CHD7: variants seen among roughly 807,000 people sequenced by gnomAD.
The protein encoded by CHD7 is chromodomain helicase DNA binding protein 7.
A neutral mutation model predicts 307.3 loss-of-function variants in CHD7; 24 were observed. That is an observed-to-expected ratio of 0.08 (90% CI 0.06 to 0.11). CHD7 has a LOEUF of 0.11. CHD7 is among the 10% of genes least tolerant of loss of function. CHD7 has a pLI of 1.00. For synonymous variants in CHD7, 1,363 were observed against 1,349.9 expected (o/e 1.01, Z -0.21); for missense variants, 3,106 against 3,727.1 (o/e 0.83, Z 4.34).
intron 2 of CHD7, among the ~76,000 whole-genome samples, chr8:60,763,205 G>A (rs1810307194): frequency 6.6e-6 from 1 of 152,210 alleles, no homozygotes; most frequent in South Asian, 2.1e-4. Context: ...ATATCCAAAA[G>A]ATTGTGTCAA....
chr8:60,796,715 G>T (rs577889871), intron 4 of CHD7, among the ~76,000 whole-genome samples: 65 of 151,706 alleles, frequency 4.3e-4, no homozygotes, highest in Non-Finnish European at 5.9e-4. Context: ...GGGCCTAACT[G>T]TTACGTGTTC....
intron 9 of CHD7, 111 bp downstream of exon 9, chr8:60,820,201 A>G (rs921486064): frequency 1.9e-6 from 1 of 528,564 alleles, no homozygotes; most frequent in South Asian, 4.3e-5. Context: ...TTGGACTGTG[A>G]CACACTTGGT....
intron 1 of CHD7, among the ~76,000 whole-genome samples, chr8:60,737,461 AT>A (rs1395000317): frequency 6.6e-6 from 1 of 152,224 alleles, no homozygotes; most frequent in Non-Finnish European, 1.5e-5. Flanking sequence ...CTATAAAAGG[AT>A]TTTTTTCATC....
At chr8:60,763,323 T>C (rs985340896) in intron 2 of CHD7, among the ~76,000 whole-genome samples, 7 of 152,186 alleles carry the variant, frequency 4.6e-5, no homozygotes, top group African/African-American at 1.7e-4. Context: ...CTTTTGTACT[T>C]GTAGCACATC....
chr8:60,847,373 C>G (rs1458618737), intron 23 of CHD7, among the ~76,000 whole-genome samples: 2 of 152,224 alleles, frequency 1.3e-5, no homozygotes, highest in Non-Finnish European at 2.9e-5. Context: ...CAAGGTAACT[C>G]TGGCCTTAGA....
chr8:60,703,809 A>C (rs928917600), intron 1 of CHD7, among the ~76,000 whole-genome samples: 5 of 152,206 alleles, frequency 3.3e-5, no homozygotes, highest in Non-Finnish European at 5.9e-5. Flanking sequence ...TGCATCTCTG[A>C]AACAGCTCAT....
intron 6 of CHD7, among the ~76,000 whole-genome samples, chr8:60,802,534 T>G (rs1035973175): frequency 6.6e-6 from 1 of 152,192 alleles, no homozygotes; most frequent in African/African-American, 2.4e-5. Context: ...AAAACAAACT[T>G]TAAAAAATAA....
At chr8:60,736,212 T>C (rs1808699356) in intron 1 of CHD7, among the ~76,000 whole-genome samples, 1 of 152,170 alleles carries the variant, frequency 6.6e-6, no homozygotes, top group African/African-American at 2.4e-5. Context: ...CAGGTTCTTG[T>C]CAGTTGGATA....
chr8:60,845,056 C>T lies in CHD7; in HGVS notation c.5043C>T (p.Asn1681=), dbSNP rs772125561. The part of the protein sequence containing the change: ...TADGQTRALV[N]HSGLSAPVPR... ...ATGGCCAGACTCGAGCCTTGGTCAA[C>T]CATTCCGGTAGGTCTCCACCATGCT... Residue 1681 remains asparagine, a synonymous_variant, in exon 22 of 38, where the codon AAC becomes AAT. Coordinates refer to ENST00000423902, the MANE Select transcript of CHD7 (RefSeq NM_017780.4). 15 of 1,613,820 alleles carry T rather than the reference C, an allele frequency of 9.3e-6. No homozygotes were observed. The highest frequency in any genetic ancestry group is 2.2e-5 in the East Asian group (1 of 44,894).
At chr8:60,707,254 A>G (rs1807067736) in intron 1 of CHD7, among the ~76,000 whole-genome samples, 1 of 152,200 alleles carries the variant, frequency 6.6e-6, no homozygotes, top group African/African-American at 2.4e-5. Context: ...AAATATGCAA[A>G]TATTGACAAA....
Position 60,852,941 on chromosome 8 carries a change from C to T in CHD7, c.6216C>T (p.Pro2072=), listed in dbSNP as rs199828744. The T allele has an allele frequency of 1.2e-6, 2 of 1,613,950 alleles. No homozygotes were observed. Among genetic ancestry groups the T allele is most frequent in the Non-Finnish European group, 1.7e-6 (2 of 1,179,878 alleles). Reference sequence around the variant, plus strand: ...TCCGCGAGCAGGTTCTCCATCACCCCCAGCTGGGAGAGAGGCTTAAGCTCT... The same window carrying T: ...TCCGCGAGCAGGTTCTCCATCACCCTCAGCTGGGAGAGAGGCTTAAGCTCT... The part of the protein sequence containing the change: ...RKIREQVLHH[P]QLGERLKLCQ... Residue 2072 remains proline (P), a synonymous_variant, in exon 31 of 38, where the codon CCC becomes CCT. Transcript: ENST00000423902.
At chr8:60,843,702 C>T (rs1302833014) in intron 21 of CHD7, among the ~76,000 whole-genome samples, 1 of 152,190 alleles carries the variant, frequency 6.6e-6, no homozygotes, top group East Asian at 1.9e-4. Flanking sequence ...CTCCCCACTT[C>T]TGGGGTTAGG....
chr8:60,809,991 CTATT>C (rs904530088), intron 7 of CHD7, among the ~76,000 whole-genome samples: 3 of 152,166 alleles, frequency 2.0e-5, no homozygotes, highest in African/African-American at 7.2e-5. Flanking sequence ...ACCCTCTTGT[CTATT>C]TGTTAATTTA....
intron 1 of CHD7, among the ~76,000 whole-genome samples, chr8:60,721,649 A>G (rs1327227351): frequency 1.3e-5 from 2 of 152,232 alleles, no homozygotes; most frequent in Non-Finnish European, 2.9e-5. Context: ...TAGGATTGAC[A>G]TGAGAAGTCA....
intron 13 of CHD7, chr8:60,824,225 T>C (rs1804169833): frequency 3.8e-6 from 2 of 530,388 alleles, no homozygotes; most frequent in East Asian, 2.9e-5. Flanking sequence ...AGTTGTATTA[T>C]AGCAGAGTGT....
chr8:60,812,492 A>G (rs552711738), intron 7 of CHD7, among the ~76,000 whole-genome samples: 78 of 152,020 alleles, frequency 5.1e-4, no homozygotes, highest in Middle Eastern at 3.4e-3. Flanking sequence ...GCGAAACCCC[A>G]TCTCTACTAA....
chr8:60,792,818 GCTGCCAACTCA>G (rs1205813138), intron 3 of CHD7, among the ~76,000 whole-genome samples: 1 of 152,190 alleles, frequency 6.6e-6, no homozygotes, highest in African/African-American at 2.4e-5. Flanking sequence ...AAAAGCGCGA[GCTGCCAACTCA>G]CTTTACCTGG....
intron 1 of CHD7, among the ~76,000 whole-genome samples, chr8:60,724,739 C>T (rs1001797233): frequency 4.6e-5 from 7 of 152,104 alleles, no homozygotes; most frequent in African/African-American, 1.7e-4. Context: ...AGAGATGTCA[C>T]AATTGGACAT....
At chr8:60,850,734 A>C in intron 26 of CHD7, 112 bp downstream of exon 26, 2 of 1,125,484 alleles carry the variant, frequency 1.8e-6, no homozygotes. Context: ...TTTGAAGTTC[A>C]GGAGATGTTT....
Sources: gnomAD v4.1 joint callset for allele counts (sites outside exome capture counted in the v4.1 genomes callset) on GRCh38, gnomAD v4.1.1 for gene constraint, MANE v1.5 for transcripts, NCBI Gene and HGNC (gene_info 2026-07-23, HGNC 2026-07-21) for gene names.